GTF3C3: variants seen among roughly 807,000 people sequenced by gnomAD.
GTF3C3 encodes the protein general transcription factor IIIC subunit 3, also known as general transcription factor 3C polypeptide 3.
A neutral mutation model predicts 105.2 loss-of-function variants in GTF3C3; 75 were observed. That is an observed-to-expected ratio of 0.71 (90% CI 0.59 to 0.86). GTF3C3 has a LOEUF of 0.86. GTF3C3 is among the 40% of genes least tolerant of loss of function. The probability of loss-of-function intolerance (pLI) is 0.00; values close to 1 mark genes in which losing one functional copy is unlikely to be tolerated. For missense variants in GTF3C3, 856 were observed against 1,076.5 expected (o/e 0.80, Z 2.87); for synonymous variants, 335 against 370.4 (o/e 0.90, Z 1.10).
At chr2:196,773,671 T>C (rs1699215319) in intron 13 of GTF3C3, 1 of 434,462 alleles carries the variant, frequency 2.3e-6, no homozygotes, top group Non-Finnish European at 4.6e-6. Context: ...CAACTCACCA[T>C]AATGTAGAAT....
In GTF3C3 at chr2:196,797,926, TTAA is replaced by T; in HGVS notation, c.103-21_103-19del. On this transcript the variant is annotated intron_variant, in intron 1 of 17. Transcript: ENST00000263956. The stretch of plus-strand genomic sequence containing the variant: ...TGAAGACTCTGTGATTGCAAATTAA[TTAA>T]TGATTCCAAAAAATAATGCAGACTT... The T allele has an allele frequency of 1.5e-6, 2 of 1,333,314 alleles. No homozygotes were observed. Among genetic ancestry groups the T allele is most frequent in the Non-Finnish European group, 2.2e-6 (2 of 923,500 alleles). The allele number at this position is 1,333,314 out of a possible 1,614,324, so 82.6% of individuals were successfully genotyped here. A position where few individuals can be genotyped will look rare whatever the true frequency, so the allele number is the denominator to read the frequency against.
intron 4 of GTF3C3, among the ~76,000 whole-genome samples, chr2:196,791,016 TAGAAA>T (rs1292562635): frequency 1.1e-4 from 16 of 152,046 alleles, no homozygotes; most frequent in East Asian, 3.9e-4. Flanking sequence ...CTGCATGATC[TAGAAA>T]AGAAAAGGAA....
At chr2:196,767,366 T>C (rs1699086575) in intron 16 of GTF3C3, among the ~76,000 whole-genome samples, 1 of 152,214 alleles carries the variant, frequency 6.6e-6, no homozygotes, top group South Asian at 2.1e-4. Context: ...ACTTTCCCTT[T>C]TAATAGAGCT....
chr2:196,793,199 T>A, intron 2 of GTF3C3, 47 bp from the exon 3 acceptor site: 3 of 1,320,984 alleles, frequency 2.3e-6, no homozygotes, highest in Non-Finnish European at 3.2e-6. Flanking sequence ...AGCTGCAGAA[T>A]TCTCAGTGAA....
At chr2:196,775,289 T>C in intron 12 of GTF3C3, 38 bp from the exon 13 acceptor site, 1 of 1,567,108 alleles carries the variant, frequency 6.4e-7, no homozygotes, top group Non-Finnish European at 8.7e-7. Flanking sequence ...CTTTAAACAA[T>C]AACTGTTTTG....
At chr2:196,765,935 G>A (rs1181509646) in intron 17 of GTF3C3, among the ~76,000 whole-genome samples, 5 of 150,486 alleles carry the variant, frequency 3.3e-5, no homozygotes, top group South Asian at 2.1e-4. Context: ...GCGTGAACCC[G>A]GGAGGCGGAG....
intron 3 of GTF3C3, chr2:196,791,675 C>A: frequency 2.4e-6 from 1 of 422,692 alleles, no homozygotes; most frequent in Admixed American, 3.6e-5. Context: ...GTGACTCATT[C>A]TTGTAATCCC....
rs1699257576 is a variant in GTF3C3 at position 196,776,235 on chromosome 2, G to C, written c.1594-124C>G. On this transcript the variant is annotated intron_variant, in intron 11 of 17. Coordinates refer to ENST00000263956, the MANE Select transcript of GTF3C3 (RefSeq NM_012086.5). This position sits in a 1 kb window ranked among gnomAD's most constrained non-coding sequence, Gnocchi z 4.5. ...CTTTATGGTCTTTCACAATAATTAA[G>C]AGCCAATATTTTAAAACTATAATTT... is the stretch of plus-strand genomic sequence containing the variant. 4.4e-6 allele frequency: 3 copies of C among 687,102 alleles called. No homozygotes were observed. Among genetic ancestry groups the C allele is most frequent in the South Asian group, 4.3e-5 (2 of 46,998 alleles). 42.6% of individuals were successfully genotyped at this position (687,102 alleles called of 1,614,324 possible).
chr2:196,798,918 C>T (rs189222690), intron 1 of GTF3C3, among the ~76,000 whole-genome samples: 1 of 150,348 alleles, frequency 6.7e-6, no homozygotes, highest in African/African-American at 2.5e-5. Flanking sequence ...AAAAAGGTTG[C>T]ATTACTTTTA....
chr2:196,780,292 A>G (rs768656511), intron 9 of GTF3C3: 29 of 1,043,444 alleles, frequency 2.8e-5, no homozygotes, highest in Non-Finnish European at 3.4e-5. Flanking sequence ...CAATTATCTA[A>G]TGACAATCTC....
chr2:196,769,438 G>A (rs906483204), intron 16 of GTF3C3, among the ~76,000 whole-genome samples: 2 of 152,162 alleles, frequency 1.3e-5, no homozygotes, highest in Non-Finnish European at 2.9e-5. Context: ...ACTTTTATTA[G>A]AAGAGACAAG....
intron 6 of GTF3C3, 29 bp from the exon 7 acceptor site, chr2:196,785,617 AT>A: frequency 7.2e-7 from 1 of 1,392,322 alleles, no homozygotes; most frequent in Non-Finnish European, 1.0e-6. Context: ...ATGGATGAAT[AT>A]TTACTTAATT....
chr2:196,795,522 T>G (rs1183531513), intron 2 of GTF3C3, among the ~76,000 whole-genome samples: 2 of 151,616 alleles, frequency 1.3e-5, no homozygotes, highest in African/African-American at 4.9e-5. Flanking sequence ...ATGTGTAAAA[T>G]TTATCAGAGG....
At chr2:196,766,193 T>TA (rs1438017599) in intron 17 of GTF3C3, among the ~76,000 whole-genome samples, 10 of 151,766 alleles carry the variant, frequency 6.6e-5, no homozygotes, top group South Asian at 2.1e-4. Flanking sequence ...TACCCTATCT[T>TA]AAAAAAAAGC....
chr2:196,791,279 T>A (rs1021574764), intron 4 of GTF3C3, 58 bp downstream of exon 4: 6 of 1,562,682 alleles, frequency 3.8e-6, no homozygotes, highest in African/African-American at 1.4e-5. Context: ...TGCTCCCCCA[T>A]TTGTTTTAAG....
At chr2:196,770,656 T>G (rs1047786453) in intron 15 of GTF3C3, among the ~76,000 whole-genome samples, 2 of 152,170 alleles carry the variant, frequency 1.3e-5, no homozygotes, top group Admixed American at 1.3e-4. Flanking sequence ...GTAGGGGTAT[T>G]TAAGCAAGTT....
At chr2:196,766,463 C>T (rs777784950) in intron 17 of GTF3C3, 102 bp downstream of exon 17, 5 of 838,404 alleles carry the variant, frequency 6.0e-6, no homozygotes, top group Non-Finnish European at 9.3e-6. Context: ...AGAGAAAATA[C>T]ATTTTAATAT....
At chr2:196,766,052 G>A (rs1242098492) in intron 17 of GTF3C3, among the ~76,000 whole-genome samples, 3 of 151,036 alleles carry the variant, frequency 2.0e-5, no homozygotes, top group Admixed American at 6.6e-5. Flanking sequence ...GAGTACAGGA[G>A]GGATTATGAG....
At chr2:196,773,181 A>T in intron 13 of GTF3C3, 28 bp from the exon 14 acceptor site, 1 of 1,223,738 alleles carries the variant, frequency 8.2e-7, no homozygotes, top group Non-Finnish European at 1.2e-6. Flanking sequence ...AAAACCAGTT[A>T]GGACACTGTA....
Sources: gnomAD v4.1 joint callset for allele counts (sites outside exome capture counted in the v4.1 genomes callset) on GRCh38, gnomAD v4.1.1 for gene constraint, Gnocchi (gnomAD v3.1) non-coding constraint, MANE v1.5 for transcripts, NCBI Gene and HGNC (gene_info 2026-07-23, HGNC 2026-07-21) for gene names.